MAD1L1: variants seen among roughly 807,000 people sequenced by gnomAD.
MAD1L1 encodes the protein mitotic arrest deficient 1 like 1.
In MAD1L1, 95 loss-of-function variants were observed where a neutral mutation model predicts 96.9. The observed-to-expected ratio is 0.98, with a 90% confidence interval of 0.83 to 1.16. The LOEUF is 1.16. MAD1L1 is among the 50% of genes most tolerant of loss of function. The pLI is 0.00. For missense variants in MAD1L1, 1,007 were observed against 954.4 expected (o/e 1.06, Z -0.73); for synonymous variants, 473 against 396.6 (o/e 1.19, Z -2.29).
At chr7:2,181,830 C>A (rs1452281328) in intron 10 of MAD1L1, among the ~76,000 whole-genome samples, 1 of 149,126 alleles carries the variant, frequency 6.7e-6, no homozygotes, top group East Asian at 1.9e-4. Flanking sequence ...ATATATATAT[C>A]ATAGAATACT....
chr7:1,978,942 T>C (rs529889250), intron 15 of MAD1L1, among the ~76,000 whole-genome samples: 18 of 152,324 alleles, frequency 1.2e-4, no homozygotes, highest in African/African-American at 4.3e-4. Context: ...GAGAGGGCGA[T>C]GTGTAAGGCA....
At chr7:1,970,331 C>CTTTTTTTTTTT (rs34240381) in intron 15 of MAD1L1, among the ~76,000 whole-genome samples, 1 of 116,516 alleles carries the variant, frequency 8.6e-6, no homozygotes, top group Non-Finnish European at 1.8e-5. Flanking sequence ...TTAATTTTTA[C>CTTTTTTTTTTT]TTTTTTTTTT....
intron 10 of MAD1L1, among the ~76,000 whole-genome samples, chr7:2,175,768 T>C (rs1790921568): frequency 6.6e-6 from 1 of 152,170 alleles, no homozygotes; most frequent in African/African-American, 2.4e-5. Context: ...CCTGAAGCCC[T>C]GGTCCCTTCC....
intron 15 of MAD1L1, among the ~76,000 whole-genome samples, chr7:1,958,164 G>C (rs138955829): frequency 6.6e-6 from 1 of 152,196 alleles, no homozygotes; most frequent in African/African-American, 2.4e-5. Flanking sequence ...CTTCTACTGC[G>C]GGGTGTGGAA....
intron 10 of MAD1L1, among the ~76,000 whole-genome samples, chr7:2,181,715 G>A (rs747381623): frequency 6.6e-5 from 10 of 152,142 alleles, no homozygotes; most frequent in South Asian, 2.1e-4. Context: ...AAAAAGACAC[G>A]TGCACACGCA....
At chr7:1,921,983 G>A (rs1788819227) in intron 17 of MAD1L1, among the ~76,000 whole-genome samples, 1 of 152,204 alleles carries the variant, frequency 6.6e-6, no homozygotes, top group Non-Finnish European at 1.5e-5. Flanking sequence ...AAAAGCAACG[G>A]AATTAACAGA....
At chr7:2,098,700 G>C (rs1181417314) in intron 11 of MAD1L1, among the ~76,000 whole-genome samples, 3 of 152,154 alleles carry the variant, frequency 2.0e-5, no homozygotes, top group African/African-American at 7.2e-5. Context: ...GCTCCAGGAG[G>C]CCCAAGGGAG....
intron 12 of MAD1L1, among the ~76,000 whole-genome samples, chr7:2,045,272 A>G (rs1445858138): frequency 6.6e-6 from 1 of 151,984 alleles, no homozygotes; most frequent in Non-Finnish European, 1.5e-5. Flanking sequence ...TCCCTGTGAG[A>G]GTCCTCGTAT....
chr7:2,202,563 C>G (rs1352313117), intron 10 of MAD1L1, among the ~76,000 whole-genome samples: 1 of 152,222 alleles, frequency 6.6e-6, no homozygotes, highest in Non-Finnish European at 1.5e-5. Context: ...ATCCGGCATG[C>G]AGGCCCAGAA....
intron 11 of MAD1L1, among the ~76,000 whole-genome samples, chr7:2,148,014 G>A (rs558497832): frequency 2.2e-4 from 33 of 152,290 alleles, no homozygotes; most frequent in Admixed American, 4.6e-4. Flanking sequence ...AAGTGTGAAC[G>A]CTTTAACTTC....
chr7:2,007,499 T>C (rs1782085770), intron 13 of MAD1L1, among the ~76,000 whole-genome samples: 4 of 90,658 alleles, frequency 4.4e-5, no homozygotes, highest in Admixed American at 1.3e-4. Flanking sequence ...CTGGCCAACA[T>C]GGTGAAATTA....
At chr7:2,127,645 C>A (rs1011250562) in intron 11 of MAD1L1, among the ~76,000 whole-genome samples, 1 of 152,116 alleles carries the variant, frequency 6.6e-6, no homozygotes, top group African/African-American at 2.4e-5. Flanking sequence ...CAGGAACCCA[C>A]CTGCAGAGAG....
chr7:2,002,068 G>A lies in MAD1L1; in HGVS notation c.1413C>T (p.Asp471=). The A allele has an allele frequency of 6.2e-7, 1 of 1,613,282 alleles. No homozygotes were observed. The highest frequency in any genetic ancestry group is 1.1e-5 in the South Asian group (1 of 91,086). The change falls in exon 14 of 19, where the codon GAC becomes GAT. Residue 471 remains aspartate, a synonymous_variant. Coordinates refer to ENST00000265854, the MANE Select transcript of MAD1L1 (RefSeq NM_001013836.2). ...GCCACTCCCGCGTCTGACTCACCAT[G>A]TCTGCTCTTTGTTTCTGGCCTCCCA... ...EELGGQKQRA[D]MLEMELKMLK...
At chr7:2,013,088 C>T (rs1012767360) in intron 13 of MAD1L1, among the ~76,000 whole-genome samples, 1 of 152,258 alleles carries the variant, frequency 6.6e-6, no homozygotes, top group Admixed American at 6.5e-5. Context: ...CCCTACCCAG[C>T]AGCTCGGCTC....
chr7:1,849,118 A>ACATGCACACACACATACACGTG (rs1783817364), intron 18 of MAD1L1: 13 of 86,212 alleles, frequency 1.5e-4, no homozygotes, highest in Admixed American at 1.0e-3. Flanking sequence ...ACACGTGCAC[A>ACATGCACACACACATACACGTG]CACAGACATG....
At chr7:1,906,523 T>A (rs1182758053) in intron 17 of MAD1L1, among the ~76,000 whole-genome samples, 1 of 152,226 alleles carries the variant, frequency 6.6e-6, no homozygotes, top group Non-Finnish European at 1.5e-5. Flanking sequence ...CGCTCCAGTC[T>A]CTGGCTCCTG....
At chr7:1,947,736 G>A (rs1779295290) in intron 16 of MAD1L1, among the ~76,000 whole-genome samples, 1 of 152,212 alleles carries the variant, frequency 6.6e-6, no homozygotes, top group South Asian at 2.1e-4. Flanking sequence ...ACCTGCCTCT[G>A]TAACAAGCCC....
At chr7:2,196,554 G>C (rs1001221385) in intron 10 of MAD1L1, among the ~76,000 whole-genome samples, 1 of 152,232 alleles carries the variant, frequency 6.6e-6, no homozygotes, top group Non-Finnish European at 1.5e-5. Flanking sequence ...ACTGTGCTGT[G>C]CTCGTCACAG....
chr7:2,014,680 G>T, intron 12 of MAD1L1, 38 bp from the exon 13 acceptor site: 1 of 1,036,130 alleles, frequency 9.7e-7, no homozygotes, highest in Non-Finnish European at 1.3e-6. Flanking sequence ...GACCCGGGAC[G>T]GGGGATGAGG....
Sources: allele counts gnomAD v4.1 joint callset (sites outside exome capture counted in the v4.1 genomes callset), GRCh38; gene constraint gnomAD v4.1.1; transcripts MANE v1.5; gene names NCBI Gene and HGNC (gene_info 2026-07-23, HGNC 2026-07-21).